IL34: variants seen among roughly 807,000 people sequenced by gnomAD.
IL34 encodes interleukin-34.
IL34 carries 17 observed loss-of-function variants against 25.3 expected under a neutral mutation model. The ratio of observed to expected loss-of-function variants is 0.67; its 90% CI spans 0.46 to 1.01. The LOEUF (loss-of-function observed/expected upper bound fraction) is 1.01, where lower values mean the gene tolerates loss of function less well. Ranked by LOEUF, IL34 falls within the 50% of genes least tolerant of loss-of-function variation. The probability of loss-of-function intolerance (pLI) is 0.00; values close to 1 mark genes in which losing one functional copy is unlikely to be tolerated. For missense variants in IL34, 368 were observed against 312.9 expected (o/e 1.18, Z -1.33); for synonymous variants, 174 against 140.9 (o/e 1.23, Z -1.66).
In IL34 at chr16:70,660,650, T is replaced by C. The variant is rs2052385488; in HGVS notation, c.*463T>C. On this transcript the variant is annotated 3_prime_UTR_variant, in exon 6 of 6. Coordinates refer to ENST00000288098, the MANE Select transcript of IL34 (RefSeq NM_001393494.1). ...TGCCATAGTGGATGCTCTTCCAGTT[T>C]CTTTTTTCTATTAAACACCCCACTT... 1 of 160,840 alleles carries C rather than the reference T, an allele frequency of 6.2e-6. No homozygotes were observed. Among genetic ancestry groups the C allele is most frequent in the African/African-American group, 2.4e-5 (1 of 41,652 alleles). The allele number at this position is 160,840 out of a possible 1,614,324, so 10.0% of individuals were successfully genotyped here.
At chr16:70,626,254 TATTA>T (rs908408695) in intron 1 of IL34, among the ~76,000 whole-genome samples, 20 of 152,164 alleles carry the variant, frequency 1.3e-4, no homozygotes, top group African/African-American at 4.3e-4. Context: ...TCTTTTATTT[TATTA>T]ATTTTTTGTT....
intron 1 of IL34, among the ~76,000 whole-genome samples, chr16:70,580,406 C>T (rs1301744956): frequency 1.3e-5 from 2 of 152,366 alleles, no homozygotes; most frequent in Middle Eastern, 3.4e-3. Context: ...GGCGCTGCTC[C>T]ACTATATATT....
At chr16:70,630,965 A>T (rs558893459) in intron 1 of IL34, among the ~76,000 whole-genome samples, 2 of 152,270 alleles carry the variant, frequency 1.3e-5, no homozygotes, top group South Asian at 2.1e-4. Flanking sequence ...GGGAGTGCCG[A>T]TATGTCTTCA....
intron 1 of IL34, among the ~76,000 whole-genome samples, chr16:70,593,068 C>G (rs1038926184): frequency 6.6e-6 from 1 of 152,130 alleles, no homozygotes; most frequent in African/African-American, 2.4e-5. Flanking sequence ...CTCAGGCGAT[C>G]CTCCTGTGTC....
chr16:70,618,544 G>C (rs1385987963), intron 1 of IL34, among the ~76,000 whole-genome samples: 10 of 152,346 alleles, frequency 6.6e-5, no homozygotes, highest in Admixed American at 2.0e-4. Flanking sequence ...GCCTCTAAAA[G>C]TATTAATGCA....
chr16:70,600,056 C>T lies in IL34; in HGVS notation c.-401+20007C>T, dbSNP rs147360085. ...TGTAGAGTCCCCTGACACCCTGACA[C>T]GGCTTCTCTGTCCCAGACAAACCCA... is the stretch of plus-strand genomic sequence containing the variant. On this transcript the variant is annotated intron_variant, in intron 1 of 6. Transcript: ENST00000429149. Among the ~76,000 whole-genome samples, 62 of 152,256 alleles carry T rather than the reference C, an allele frequency of 4.1e-4. No homozygotes were observed. In the East Asian group the frequency reaches 7.5e-3, roughly 18 times the overall value.
chr16:70,618,276 T>G (rs1429563915), intron 1 of IL34, among the ~76,000 whole-genome samples: 2 of 151,626 alleles, frequency 1.3e-5, no homozygotes, highest in African/African-American at 4.9e-5. Flanking sequence ...GAAGGAAATT[T>G]GGGGAAATGG....
At chr16:70,590,325 A>G (rs1393210585) in intron 1 of IL34, among the ~76,000 whole-genome samples, 1 of 152,096 alleles carries the variant, frequency 6.6e-6, no homozygotes, top group African/African-American at 2.4e-5. Context: ...ACGCTAGAGA[A>G]CTCATGATCA....
intron 1 of IL34, among the ~76,000 whole-genome samples, chr16:70,620,590 C>G (rs1325600411): frequency 6.6e-6 from 1 of 151,960 alleles, no homozygotes; most frequent in South Asian, 2.1e-4. Flanking sequence ...ACTGAGGGGA[C>G]AGGCGGGAGG....
At chr16:70,631,108 A>C (rs2051508379) in intron 1 of IL34, among the ~76,000 whole-genome samples, 1 of 152,212 alleles carries the variant, frequency 6.6e-6, no homozygotes, top group South Asian at 2.1e-4. Flanking sequence ...CAGAAGACTG[A>C]CTGTGTTATG....
Position 70,660,213 on chromosome 16 carries a change from G to T in IL34, c.*26G>T. 6.5e-7 allele frequency: 1 copy of T among 1,531,806 alleles called. No individual in the cohort carries two copies. Among genetic ancestry groups the T allele is most frequent in the Non-Finnish European group, 8.8e-7 (1 of 1,141,878 alleles). 94.9% of individuals were successfully genotyped at this position (1,531,806 alleles called of 1,614,324 possible). On this transcript the variant is annotated 3_prime_UTR_variant, in exon 6 of 6. Coordinates refer to ENST00000288098, the MANE Select transcript of IL34 (RefSeq NM_001393494.1). ...GCACCCTGGATGGTGACTGCGGATA[G>T]GGGCAGCCAGACCAGCTCCCACAGG...
At chr16:70,600,984 G>A (rs2050907573) in intron 1 of IL34, among the ~76,000 whole-genome samples, 1 of 150,454 alleles carries the variant, frequency 6.6e-6, no homozygotes, top group Non-Finnish European at 1.5e-5. Context: ...GATGCTGGGA[G>A]AAGTAGGGGA....
In IL34 at chr16:70,620,564, G is replaced by A. The variant is rs555061008; in HGVS notation, c.-400-25984G>A. Among the ~76,000 whole-genome samples, 15 of 152,256 alleles carry A rather than the reference G, an allele frequency of 9.9e-5. No individual in the cohort carries two copies. The East Asian group carries it at 1.5e-3, about 16-fold the overall frequency. On this transcript the variant is annotated intron_variant, in intron 1 of 6. Coordinates refer to the IL34 transcript ENST00000429149. ...AAAAGGAAGATTAGAAAGACTCAGCGACACTTGGGGTTGGGACTGAGGGGA... is the reference window on the plus strand; with the variant it reads ...AAAAGGAAGATTAGAAAGACTCAGCAACACTTGGGGTTGGGACTGAGGGGA...
At chr16:70,603,642 G>T (rs549226045) in intron 1 of IL34, among the ~76,000 whole-genome samples, 2 of 152,076 alleles carry the variant, frequency 1.3e-5, no homozygotes, top group Non-Finnish European at 2.9e-5. Context: ...GCATGATCTT[G>T]GCTCACTGTA....
intron 1 of IL34, among the ~76,000 whole-genome samples, chr16:70,653,302 T>C (rs1416689506): frequency 1.4e-5 from 2 of 143,938 alleles, no homozygotes; most frequent in Admixed American, 7.3e-5. Flanking sequence ...CGCTTGACAC[T>C]AGGAGTTTCA....
rs562802644 is a variant in IL34 at position 70,655,606 on chromosome 16, G to C, written c.162+935G>C. Among the ~76,000 whole-genome samples, 11 of 151,874 alleles carry C rather than the reference G, an allele frequency of 7.2e-5. No individual in the cohort carries two copies. In the East Asian group the frequency reaches 2.1e-3, roughly 30 times the overall value. ...AGGGGTTCACCATGTTGCCCAGGGT[G>C]GTCTTGAACTCCTGGGCTCAAGCAA... is the stretch of plus-strand genomic sequence containing the variant. On this transcript the variant is annotated intron_variant, in intron 2 of 5. Coordinates refer to ENST00000288098, the MANE Select transcript of IL34 (RefSeq NM_001393494.1).
At chr16:70,628,460 TG>T (rs2051443558) in intron 1 of IL34, among the ~76,000 whole-genome samples, 1 of 151,454 alleles carries the variant, frequency 6.6e-6, no homozygotes, top group Non-Finnish European at 1.5e-5. Flanking sequence ...GGCTAGTGTG[TG>T]GGTTTGTTTT....
At chr16:70,620,213 G>A (rs1050508680) in intron 1 of IL34, among the ~76,000 whole-genome samples, 1 of 152,066 alleles carries the variant, frequency 6.6e-6, no homozygotes, top group African/African-American at 2.4e-5. Context: ...TTAGGGTCTA[G>A]GGCTGTAAAG....
intron 1 of IL34, among the ~76,000 whole-genome samples, chr16:70,608,029 A>C (rs966519043): frequency 1.3e-5 from 2 of 151,966 alleles, no homozygotes; most frequent in Admixed American, 1.3e-4. Flanking sequence ...CGGCTTCCCA[A>C]AGTGCTGGGA....
Sources: gnomAD v4.1 joint callset for allele counts (sites outside exome capture counted in the v4.1 genomes callset) on GRCh38, gnomAD v4.1.1 for gene constraint, MANE v1.5 for transcripts, NCBI Gene and HGNC (gene_info 2026-07-23, HGNC 2026-07-21) for gene names.